Variants in SCN8A observed in about 807,000 individuals in gnomAD.
SCN8A encodes the protein sodium voltage-gated channel alpha subunit 8.
Under a neutral mutation model 184.1 loss-of-function variants are expected in SCN8A, and 30 were observed. That is an observed-to-expected ratio of 0.16 (90% CI 0.12 to 0.22). SCN8A has a LOEUF of 0.22. Ranked by LOEUF, SCN8A falls within the 10% of genes least tolerant of loss-of-function variation. The pLI is 1.00. For missense variants in SCN8A, 1,057 were observed against 2,498.9 expected (o/e 0.42, Z 12.30); for synonymous variants, 852 against 907.0 (o/e 0.94, Z 1.09).
chr12:51,592,300 C>A lies in SCN8A; in HGVS notation c.-55+941C>A, dbSNP rs557707772. On this transcript the variant is annotated intron_variant, in intron 1 of 26. Coordinates refer to ENST00000627620, the MANE Select transcript of SCN8A (RefSeq NM_001330260.2). ...CCCCTCCATTGCCAGCAACAACCAC[C>A]GGTGGAGACTTGGCTAACTTTCCAG... Among the ~76,000 whole-genome samples the A allele has an allele frequency of 4.6e-5, 7 of 152,026 alleles. No homozygotes were observed. In the East Asian group the frequency reaches 7.8e-4, roughly 17 times the overall value.
In SCN8A at chr12:51,721,788, C is replaced by G. The variant is rs1942069700; in HGVS notation, c.1878C>G (p.Ser626=). ...GYSGYSQGSR[S]SRIFPSLRRS... ...GCGGCTACAGCCAGGGCAGCCGCTC[C>G]TCGCGCATCTTCCCCAGCCTGCGGC... is the stretch of plus-strand genomic sequence containing the variant. The change falls in exon 12 of 27, where the codon TCC becomes TCG. Residue 626 remains serine (S), a synonymous_variant. Coordinates refer to ENST00000627620, the MANE Select transcript of SCN8A (RefSeq NM_001330260.2). 3.7e-6 allele frequency: 6 copies of G among 1,610,376 alleles called. No individual in the cohort carries two copies. Among genetic ancestry groups the G allele is most frequent in the Non-Finnish European group, 4.2e-6 (5 of 1,179,264 alleles).
intron 11 of SCN8A, among the ~76,000 whole-genome samples, chr12:51,718,317 T>TA (rs1167108322): frequency 1.3e-5 from 2 of 151,730 alleles, no homozygotes; most frequent in Non-Finnish European, 2.9e-5. Flanking sequence ...CCATCTCTAT[T>TA]AAAAAAAATT....
intron 20 of SCN8A, among the ~76,000 whole-genome samples, chr12:51,776,510 A>T (rs1019114834): frequency 6.6e-6 from 1 of 152,210 alleles, no homozygotes; most frequent in Admixed American, 6.5e-5. Flanking sequence ...AATAAGGAGA[A>T]ACAGAGGTTA....
At chr12:51,766,909 T>C (rs1427814473) in intron 16 of SCN8A, among the ~76,000 whole-genome samples, 2 of 152,222 alleles carry the variant, frequency 1.3e-5, no homozygotes, top group Non-Finnish European at 2.9e-5. Flanking sequence ...TAATCCCACC[T>C]GCAAGTGTAG....
chr12:51,650,103 C>T (rs569171179), intron 1 of SCN8A, among the ~76,000 whole-genome samples: 3 of 152,190 alleles, frequency 2.0e-5, no homozygotes, highest in South Asian at 2.1e-4. Flanking sequence ...TTTGCTAAAA[C>T]GTAGCAAGAG....
rs73297665 is a variant in SCN8A at position 51,699,252 on chromosome 12, A to T, written c.707-318A>T. Among the ~76,000 whole-genome samples the T allele has an allele frequency of 8.7e-3, 1,321 of 152,340 alleles. 22 individuals carry two copies. Among genetic ancestry groups the T allele is most frequent in the African/African-American group, 0.03 (1,252 of 41,556 alleles). Reference sequence around the variant, plus strand: ...AGGGAACAGCAGGTATGAAGGCCCTATGGCAAGTAAGAGCTGGGCTCATAT... The same window carrying T: ...AGGGAACAGCAGGTATGAAGGCCCTTTGGCAAGTAAGAGCTGGGCTCATAT... On this transcript the variant is annotated intron_variant, in intron 6 of 26. Transcript: ENST00000627620.
chr12:51,603,289 C>A (rs1939508621), intron 1 of SCN8A, among the ~76,000 whole-genome samples: 1 of 152,212 alleles, frequency 6.6e-6, no homozygotes, highest in Admixed American at 6.5e-5. Flanking sequence ...CCCTTTGAGA[C>A]TGACTTCTTT....
intron 11 of SCN8A, among the ~76,000 whole-genome samples, chr12:51,721,137 T>G (rs1942053115): frequency 7.2e-6 from 1 of 138,486 alleles, no homozygotes; most frequent in African/African-American, 2.6e-5. Context: ...TATATAATAT[T>G]TATTTATTGT....
intron 12 of SCN8A, among the ~76,000 whole-genome samples, chr12:51,743,938 G>A (rs1267826673): frequency 6.6e-6 from 1 of 152,102 alleles, no homozygotes; most frequent in Non-Finnish European, 1.5e-5. Flanking sequence ...AGAGGACAGG[G>A]ACCATGTTGT....
intron 14 of SCN8A, among the ~76,000 whole-genome samples, chr12:51,756,088 G>A (rs747528383): frequency 3.2e-4 from 48 of 151,910 alleles, no homozygotes; most frequent in Admixed American, 9.8e-4. Context: ...GTAGGCCTTC[G>A]CCTGCATGGA....
At chr12:51,608,279 G>A (rs1020197626) in intron 1 of SCN8A, among the ~76,000 whole-genome samples, 1 of 151,854 alleles carries the variant, frequency 6.6e-6, no homozygotes, top group African/African-American at 2.4e-5. Context: ...GAAAGTGCTG[G>A]GATTACAGGC....
chr12:51,672,135 T>C (rs554156857), intron 2 of SCN8A, among the ~76,000 whole-genome samples: 1 of 152,194 alleles, frequency 6.6e-6, no homozygotes, highest in Admixed American at 6.5e-5. Context: ...ACTCAAAGCC[T>C]CTCCCATCCT....
At chr12:51,657,954 C>G (rs1940855105) in intron 1 of SCN8A, among the ~76,000 whole-genome samples, 2 of 152,034 alleles carry the variant, frequency 1.3e-5, no homozygotes, top group Admixed American at 6.6e-5. Flanking sequence ...TCTGTGTTTT[C>G]TATTCTTTTC....
chr12:51,764,132 A>C (rs1942802233), intron 15 of SCN8A, among the ~76,000 whole-genome samples: 1 of 152,246 alleles, frequency 6.6e-6, no homozygotes, highest in African/African-American at 2.4e-5. Flanking sequence ...TGAGTGGCCC[A>C]GATGTCTGCA....
At chr12:51,777,790 G>C (rs984358360) in intron 20 of SCN8A, among the ~76,000 whole-genome samples, 3 of 152,146 alleles carry the variant, frequency 2.0e-5, no homozygotes, top group Non-Finnish European at 2.9e-5. Context: ...ACCTTATATG[G>C]TGCCTATAGC....
In SCN8A at chr12:51,806,520, C is replaced by A. The variant is rs533725421; in HGVS notation, c.5034C>A (p.His1678Gln). 1 of 1,614,164 alleles carries A rather than the reference C, an allele frequency of 6.2e-7. No individual in the cohort carries two copies. ...FGMSNFAYVK[H>Q]EAGIDDMFNF... ...TGTCCAATTTTGCATATGTGAAGCA[C>A]GAGGCTGGTATCGATGACATGTTCA... Residue 1678 changes from histidine (H) to glutamine (Q), a missense_variant, in exon 27 of 27, where the codon CAC becomes CAA. This residue lies in a region of SCN8A where 19 missense variants were observed against 41.6 expected (regional missense o/e 0.46). Transcript: ENST00000627620. The surrounding 1 kb of genome is among the most constrained non-coding windows in gnomAD (Gnocchi z 8.7).
intron 1 of SCN8A, among the ~76,000 whole-genome samples, chr12:51,656,278 C>A (rs745965540): frequency 9.2e-5 from 14 of 152,052 alleles, no homozygotes; most frequent in Non-Finnish European, 1.0e-4. Flanking sequence ...TGAACCTTGT[C>A]CTCCACTTCA....
At chr12:51,637,788 A>G (rs1474935550) in intron 1 of SCN8A, among the ~76,000 whole-genome samples, 1 of 152,230 alleles carries the variant, frequency 6.6e-6, no homozygotes. Context: ...TCTAGCTAAG[A>G]TCATTAATTG....
chr12:51,622,219 C>T (rs567372527), intron 1 of SCN8A, among the ~76,000 whole-genome samples: 6 of 152,272 alleles, frequency 3.9e-5, no homozygotes, highest in African/African-American at 1.4e-4. Flanking sequence ...ACGGAGAATT[C>T]CTGTATATGC....
Sources: gnomAD v4.1 joint callset for allele counts (sites outside exome capture counted in the v4.1 genomes callset) on GRCh38, gnomAD v4.1.1 for gene constraint, gnomAD v4.1.1 regional missense constraint, Gnocchi (gnomAD v3.1) non-coding constraint, MANE v1.5 for transcripts, NCBI Gene and HGNC (gene_info 2026-07-23, HGNC 2026-07-21) for gene names.